ADAMTS12: variants seen among roughly 807,000 people sequenced by gnomAD.
ADAMTS12 encodes the protein ADAM metallopeptidase with thrombospondin type 1 motif 12.
A neutral mutation model predicts 167.8 loss-of-function variants in ADAMTS12; 118 were observed. The ratio of observed to expected loss-of-function variants is 0.70; its 90% confidence interval spans 0.61 to 0.82. The LOEUF (loss-of-function observed/expected upper bound fraction) is 0.82. ADAMTS12 is among the 40% of genes least tolerant of loss of function. The probability of loss-of-function intolerance (pLI) is 0.00; values close to 1 mark genes in which losing one functional copy is unlikely to be tolerated. For synonymous variants in ADAMTS12, 704 were observed against 716.9 expected, an observed-to-expected ratio of 0.98 and a Z score of 0.29; for missense variants, 1,916 against 1,998.8, an observed-to-expected ratio of 0.96 and a Z score of 0.79.
intron 23 of ADAMTS12, among the ~76,000 whole-genome samples, chr5:33,529,941 G>A (rs1389457161): frequency 1.3e-5 from 2 of 152,088 alleles, no homozygotes; most frequent in African/African-American, 4.8e-5. Flanking sequence ...TTTGTATTTT[G>A]AGACGGTTCC....
intron 3 of ADAMTS12, among the ~76,000 whole-genome samples, chr5:33,698,712 C>A (rs1268846900): frequency 6.6e-6 from 1 of 152,066 alleles, no homozygotes; most frequent in Non-Finnish European, 1.5e-5. Flanking sequence ...CCCAGGCGGG[C>A]GGATCACCTG....
intron 3 of ADAMTS12, among the ~76,000 whole-genome samples, chr5:33,729,939 C>G (rs1744121158): frequency 6.6e-6 from 1 of 152,186 alleles, no homozygotes; most frequent in African/African-American, 2.4e-5. Context: ...TACTAAACCA[C>G]CCAACATTTT....
chr5:33,742,812 T>G (rs192103951), intron 3 of ADAMTS12, among the ~76,000 whole-genome samples: 1 of 152,346 alleles, frequency 6.6e-6, no homozygotes, highest in East Asian at 1.9e-4. Context: ...CAGCTCTGTC[T>G]TAGGCAACTG....
intron 3 of ADAMTS12, among the ~76,000 whole-genome samples, chr5:33,691,950 T>C (rs888681864): frequency 7.2e-5 from 11 of 152,238 alleles, no homozygotes; most frequent in African/African-American, 2.4e-4. Context: ...GTAAGCCCCC[T>C]CTCAGTGTCC....
intron 23 of ADAMTS12, among the ~76,000 whole-genome samples, chr5:33,531,627 G>A (rs116771100): frequency 0.012 from 1,865 of 152,214 alleles, 37 homozygotes; most frequent in African/African-American, 0.043. Flanking sequence ...ACTGGTGATG[G>A]GGCAGGAGAA....
intron 14 of ADAMTS12, among the ~76,000 whole-genome samples, chr5:33,619,668 C>T (rs768764406): frequency 1.3e-5 from 2 of 151,870 alleles, no homozygotes; most frequent in South Asian, 2.1e-4. Flanking sequence ...TGTATGTATG[C>T]ATGTATGTAT....
intron 3 of ADAMTS12, among the ~76,000 whole-genome samples, chr5:33,699,987 C>T (rs1742943619): frequency 6.6e-6 from 1 of 152,060 alleles, no homozygotes; most frequent in South Asian, 2.1e-4. Flanking sequence ...ATTAAAGCCA[C>T]AATGAGATAT....
chr5:33,593,333 C>G (rs1561153146), intron 17 of ADAMTS12, among the ~76,000 whole-genome samples: 1 of 152,148 alleles, frequency 6.6e-6, no homozygotes, highest in East Asian at 1.9e-4. Context: ...TCCTAGGCAG[C>G]AGCATGGTGT....
At chr5:33,761,394 T>C (rs1745349972) in intron 2 of ADAMTS12, among the ~76,000 whole-genome samples, 2 of 152,218 alleles carry the variant, frequency 1.3e-5, no homozygotes, top group Non-Finnish European at 2.9e-5. Context: ...ATTCCAGGGA[T>C]GTTTCACAAT....
chr5:33,891,822 A>C lies in ADAMTS12; in HGVS notation c.35T>G (p.Leu12Arg). The C allele has an allele frequency of 6.2e-7, 1 of 1,614,238 alleles. No homozygotes were observed. The highest frequency in any genetic ancestry group is 8.5e-7 in the Non-Finnish European group (1 of 1,180,046). The change falls in exon 1 of 24, where the codon CTT (leucine) becomes CGT (arginine). Residue 12 changes from leucine to arginine, a missense_variant. By Grantham distance (102) the Leu-to-Arg change is moderately radical. Transcript: ENST00000504830. ...PCAQRSWLANLSVVAQLLNFG... is the reference protein window; with the variant it reads ...PCAQRSWLANRSVVAQLLNFG... The stretch of plus-strand genomic sequence containing the variant: ...GTTAAGGAGCTGAGCCACCACGGAA[A>C]GGTTTGCAAGCCAGCTCCTCTGGGC...
chr5:33,786,573 T>C (rs1231248567), intron 2 of ADAMTS12, among the ~76,000 whole-genome samples: 1 of 151,940 alleles, frequency 6.6e-6, no homozygotes, highest in Non-Finnish European at 1.5e-5. Flanking sequence ...GTTCCCCAAA[T>C]GATTCTGATA....
At chr5:33,718,814 A>C (rs928736670) in intron 3 of ADAMTS12, among the ~76,000 whole-genome samples, 1 of 152,184 alleles carries the variant, frequency 6.6e-6, no homozygotes, top group Non-Finnish European at 1.5e-5. Flanking sequence ...ACAGCAGTGC[A>C]CTTTCTAACG....
intron 19 of ADAMTS12, among the ~76,000 whole-genome samples, chr5:33,572,804 A>C (rs1187447406): frequency 6.9e-6 from 1 of 145,392 alleles, no homozygotes; most frequent in Non-Finnish European, 1.5e-5. Context: ...AGAGGAAGTC[A>C]AATTGTCCCT....
At chr5:33,664,393 A>AT (rs1246538187) in intron 5 of ADAMTS12, among the ~76,000 whole-genome samples, 1 of 152,202 alleles carries the variant, frequency 6.6e-6, no homozygotes, top group Non-Finnish European at 1.5e-5. Flanking sequence ...GATTTTTGAC[A>AT]AAGGTAAAAA....
intron 11 of ADAMTS12, among the ~76,000 whole-genome samples, chr5:33,640,081 C>G (rs1447526540): frequency 6.6e-6 from 1 of 152,196 alleles, no homozygotes; most frequent in Non-Finnish European, 1.5e-5. Context: ...GAGCCGAGCT[C>G]TGCTGGGTTC....
At chr5:33,617,954 C>T (rs769995379) in intron 14 of ADAMTS12, among the ~76,000 whole-genome samples, 111 of 152,246 alleles carry the variant, frequency 7.3e-4, no homozygotes, top group Admixed American at 2.6e-3. Flanking sequence ...AAGAATAGCT[C>T]CAAAGTACAA....
intron 19 of ADAMTS12, among the ~76,000 whole-genome samples, chr5:33,565,186 C>A (rs191079369): frequency 2.0e-5 from 3 of 152,122 alleles, no homozygotes; most frequent in African/African-American, 7.2e-5. Flanking sequence ...GACAGGGTGT[C>A]ACTCTGTCAC....
intron 2 of ADAMTS12, among the ~76,000 whole-genome samples, chr5:33,850,981 T>G (rs1561308203): frequency 6.6e-6 from 1 of 152,210 alleles, no homozygotes; most frequent in African/African-American, 2.4e-5. Flanking sequence ...GTTAAGAAAC[T>G]TCTCTTAGAG....
In ADAMTS12 at chr5:33,881,599, T is replaced by C. The variant is rs1750449706; in HGVS notation, c.128-119A>G. 7 of 1,412,970 alleles carry C rather than the reference T, an allele frequency of 5.0e-6. No homozygotes were observed. The South Asian group carries it at 7.1e-5, about 14-fold the overall frequency. The allele number at this position is 1,412,970 out of a possible 1,614,324, so 87.5% of individuals were successfully genotyped here. ...TTTTGGAAATGGAGTTTTGCTCTTG[T>C]TTCCCAGGCTGGAGTGCAATGGCAC... On this transcript the variant is annotated intron_variant, in intron 1 of 23. Coordinates refer to ENST00000504830, the MANE Select transcript of ADAMTS12 (RefSeq NM_030955.4).
Sources: allele counts gnomAD v4.1 joint callset (sites outside exome capture counted in the v4.1 genomes callset), GRCh38; gene constraint gnomAD v4.1.1; transcripts MANE v1.5; gene names NCBI Gene and HGNC (gene_info 2026-07-23, HGNC 2026-07-21).